LENG8: variants seen among roughly 807,000 people sequenced by gnomAD.
The protein encoded by LENG8 is leukocyte receptor cluster (LRC) member 8.
A neutral mutation model predicts 102.1 loss-of-function variants in LENG8; 28 were observed. That is an observed-to-expected ratio of 0.27 (90% CI 0.20 to 0.38). The LOEUF (loss-of-function observed/expected upper bound fraction) is 0.38, where lower values mean the gene tolerates loss of function less well. Ranked by LOEUF, LENG8 falls within the 10% of genes least tolerant of loss-of-function variation. The pLI is 1.00. For synonymous variants in LENG8, 531 were observed against 456.7 expected (o/e 1.16, Z -2.07); for missense variants, 1,022 against 1,113.9 (o/e 0.92, Z 1.17).
chr19:54,450,331 G>A (rs992886977), intron 1 of LENG8, among the ~76,000 whole-genome samples: 3 of 152,114 alleles, frequency 2.0e-5, no homozygotes, highest in Admixed American at 1.3e-4. Flanking sequence ...GTCTGTCAGT[G>A]CTAAGAACCC....
At position 54,456,200 on chromosome 19, in the gene LENG8, G is replaced by C; in HGVS notation, c.1259G>C (p.Arg420Pro). The C allele has an allele frequency of 6.2e-7, 1 of 1,611,492 alleles. No homozygotes were observed. The highest frequency in any genetic ancestry group is 8.5e-7 in the Non-Finnish European group (1 of 1,178,484). Residue 420 changes from arginine to proline, a missense_variant, in exon 9 of 16, where the codon CGC (arginine) becomes CCC (proline). Arg to Pro is a moderately radical substitution (Grantham distance 103). This residue lies in a region of LENG8 where 326 missense variants were observed against 324.5 expected (regional missense o/e 1.00). Coordinates refer to ENST00000326764, the MANE Select transcript of LENG8 (RefSeq NM_052925.4). ...AGCTCTTCTTCCAGCACAGACTCCC[G>C]CTCCCGCTCCTCCTCCAGGTCCCCG... ...DNSSSSSTDS[R>P]SRSSSRSPTR...
At chr19:54,449,833 G>A (rs1012966647) in intron 1 of LENG8, 6 of 152,538 alleles carry the variant, frequency 3.9e-5, no homozygotes, top group African/African-American at 1.4e-4. Flanking sequence ...CCCAACTCCT[G>A]ACCTTACCTC....
rs989183948 is a variant in LENG8, at chr19:54,461,713, A to G, written c.*785A>G. 5 of 492,716 alleles carry G rather than the reference A, an allele frequency of 1.0e-5. No individual in the cohort carries two copies. Among genetic ancestry groups the G allele is most frequent in the Non-Finnish European group, 2.1e-5 (5 of 243,600 alleles). The allele number at this position is 492,716 out of a possible 1,614,324, so 30.5% of individuals were successfully genotyped here. Reference sequence around the variant, plus strand: ...TTCCCCTCCCTCCCTGCCTTCATGGATCACCAGCTCACGTCATGTTGCCTT... The same window carrying G: ...TTCCCCTCCCTCCCTGCCTTCATGGGTCACCAGCTCACGTCATGTTGCCTT... On this transcript the variant is annotated 3_prime_UTR_variant, in exon 16 of 16. Transcript: ENST00000326764.
At chr19:54,460,593 C>G (rs867959708) in intron 15 of LENG8, 173 bp from the exon 16 acceptor site, 1 of 1,413,534 alleles carries the variant, frequency 7.1e-7, no homozygotes, top group Non-Finnish European at 9.2e-7. Context: ...TAACCCCCCC[C>G]GGGCCCCCCC....
Position 54,461,369 on chromosome 19 carries a change from A to G in LENG8, c.*441A>G, listed in dbSNP as rs2123235176. ...GCGGGGGCACCCAGCAAGCCCGCCC[A>G]CCGCCCGCTGCCTCACCTGCTTCGC... On this transcript the variant is annotated 3_prime_UTR_variant, in exon 16 of 16. Transcript: ENST00000326764. 2.2e-6 allele frequency: 1 copy of G among 457,726 alleles called. No individual in the cohort carries two copies. The highest frequency in any genetic ancestry group is 4.4e-6 in the Non-Finnish European group (1 of 228,162). The allele number at this position is 457,726 out of a possible 1,614,324, so 28.4% of individuals were successfully genotyped here. A position where few individuals can be genotyped will look rare whatever the true frequency, so the allele number is the denominator to read the frequency against.
In LENG8 at chr19:54,461,998, T is replaced by TAAAGAGAG; in HGVS notation, c.*1080_*1087dup. Reference sequence around the variant, plus strand: ...TTGGAAGCTTGAGAGAAACCAAAATTAAAGAGAGAAAGAGAGAGCGTGCAC... The same window carrying TAAAGAGAG: ...TTGGAAGCTTGAGAGAAACCAAAATTAAAGAGAGAAAGAGAGAAAGAGAGAGCGTGCAC... On this transcript the variant is annotated 3_prime_UTR_variant, in exon 16 of 16. Coordinates refer to ENST00000326764, the MANE Select transcript of LENG8 (RefSeq NM_052925.4). 1 of 1,422,430 alleles carries TAAAGAGAG rather than the reference T, an allele frequency of 7.0e-7. No homozygotes were observed. The highest frequency in any genetic ancestry group is 9.7e-7 in the Non-Finnish European group (1 of 1,036,230). The allele number at this position is 1,422,430 out of a possible 1,614,324, so 88.1% of individuals were successfully genotyped here.
intron 10 of LENG8, 22 bp downstream of exon 10, chr19:54,456,487 A>G: frequency 6.3e-7 from 1 of 1,590,586 alleles, no homozygotes; most frequent in Non-Finnish European, 8.5e-7. Context: ...TGAGGGCTCG[A>G]CACACGGGCC....
intron 4 of LENG8, among the ~76,000 whole-genome samples, 200 bp downstream of exon 4, chr19:54,452,952 G>A (rs1443026997): frequency 6.6e-6 from 1 of 152,172 alleles, no homozygotes; most frequent in Non-Finnish European, 1.5e-5. Flanking sequence ...TACATACCCG[G>A]TTCTGGTCCC....
intron 7 of LENG8, 110 bp downstream of exon 7, chr19:54,455,202 A>G: frequency 6.6e-7 from 1 of 1,525,482 alleles, no homozygotes; most frequent in Non-Finnish European, 9.0e-7. Flanking sequence ...CGCCTCTGAA[A>G]AGGGCAGAAG....
intron 5 of LENG8, among the ~76,000 whole-genome samples, chr19:54,454,040 TC>T (rs1459966163): frequency 6.6e-6 from 1 of 152,072 alleles, no homozygotes. Context: ...CGGTCAGCTC[TC>T]GAAAGCGGGA....
chr19:54,450,199 C>T (rs554452674), intron 1 of LENG8, among the ~76,000 whole-genome samples: 1 of 152,248 alleles, frequency 6.6e-6, no homozygotes, highest in South Asian at 2.1e-4. Flanking sequence ...CACGGTGATC[C>T]CTTTTCTCTC....
At position 54,461,106 on chromosome 19, in the gene LENG8, GTTT is replaced by G; in HGVS notation, c.*181_*183del. 1 of 1,002,410 alleles carries G rather than the reference GTTT, an allele frequency of 1.0e-6. No homozygotes were observed. The highest frequency in any genetic ancestry group is 1.5e-6 in the Non-Finnish European group (1 of 670,638). The allele number at this position is 1,002,410 out of a possible 1,614,324, so 62.1% of individuals were successfully genotyped here. On this transcript the variant is annotated 3_prime_UTR_variant, in exon 16 of 16. Coordinates refer to ENST00000326764, the MANE Select transcript of LENG8 (RefSeq NM_052925.4). ...GGAGTCTGTACAGAGATTTTTCTAC[GTTT>G]TTATTTTTTGCCTCAGAGGGATGGG... is the stretch of plus-strand genomic sequence containing the variant.
chr19:54,455,027 C>T lies in LENG8; in HGVS notation c.756C>T (p.Ser252=). 6.2e-7 allele frequency: 1 copy of T among 1,614,190 alleles called. No homozygotes were observed. The highest frequency in any genetic ancestry group is 8.5e-7 in the Non-Finnish European group (1 of 1,180,038). Residue 252 remains serine (S), a synonymous_variant, in exon 7 of 16, where the codon TCC becomes TCT. Coordinates refer to ENST00000326764, the MANE Select transcript of LENG8 (RefSeq NM_052925.4). Reference sequence around the variant, plus strand: ...CTGTTACCACCCAGAGCTTTGGCTCCAACGCAGAGGGCCAGCACAGTGGTT... The same window carrying T: ...CTGTTACCACCCAGAGCTTTGGCTCTAACGCAGAGGGCCAGCACAGTGGTT... ...PFAVTTQSFG[S]NAEGQHSGFG...
intron 12 of LENG8, 38 bp from the exon 13 acceptor site, chr19:54,457,896 C>T (rs45605939): frequency 0.18 from 287,448 of 1,613,642 alleles, 27,679 homozygotes; most frequent in Middle Eastern, 0.25. Flanking sequence ...TCCTGCCTCC[C>T]GCTCCTTGTG....
At position 54,461,815 on chromosome 19, in the gene LENG8, C is replaced by T; in HGVS notation, c.*887C>T. On this transcript the variant is annotated 3_prime_UTR_variant, in exon 16 of 16. Coordinates refer to ENST00000326764, the MANE Select transcript of LENG8 (RefSeq NM_052925.4). The stretch of plus-strand genomic sequence containing the variant: ...CTTTTCTTTTTGGCCCTCCCTCCCT[C>T]CCTCTTCTGCCATGTAACTGGAGGA... 1.9e-6 allele frequency: 1 copy of T among 536,594 alleles called. No homozygotes were observed. The highest frequency in any genetic ancestry group is 3.7e-6 in the Non-Finnish European group (1 of 269,852). 33.2% of individuals were successfully genotyped at this position (536,594 alleles called of 1,614,324 possible). A position where few individuals can be genotyped will look rare whatever the true frequency, so the allele number is the denominator to read the frequency against.
intron 11 of LENG8, 116 bp downstream of exon 11, chr19:54,457,037 C>G: frequency 8.3e-7 from 1 of 1,200,088 alleles, no homozygotes; most frequent in South Asian, 1.6e-5. Flanking sequence ...GCAGGGGAAG[C>G]TCGGCCAGAG....
intron 5 of LENG8, 64 bp downstream of exon 5, chr19:54,453,720 C>T (rs2084076872): frequency 1.7e-6 from 2 of 1,189,366 alleles, no homozygotes; most frequent in South Asian, 2.6e-5. Flanking sequence ...TTTGAATGAG[C>T]TGTCAATGAG....
rs745688686 is a variant in LENG8 at position 54,456,811 on chromosome 19, G to A, written c.1621G>A (p.Ala541Thr). 1.2e-6 allele frequency: 2 copies of A among 1,611,280 alleles called. No individual in the cohort carries two copies. The highest frequency in any genetic ancestry group is 2.2e-5 in the South Asian group (2 of 90,892). The change falls in exon 11 of 16, where the codon GCT becomes ACT. Residue 541 changes from alanine (A) to threonine (T), a missense_variant. This residue lies in a region of LENG8 where 326 missense variants were observed against 324.5 expected (regional missense o/e 1.00). Transcript: ENST00000326764. ...GATGAGCAGCCTGGAGAGCAGTGGG[G>A]CTGACCCTGACTGGCAGGAGCTGCA... Reference protein sequence around the residue: ...LQMSSLESSGADPDWQELQIV... With the variant: ...LQMSSLESSGTDPDWQELQIV...
intron 15 of LENG8, 51 bp from the exon 16 acceptor site, chr19:54,460,715 C>G: frequency 7.2e-7 from 1 of 1,393,468 alleles, no homozygotes; most frequent in Non-Finnish European, 9.4e-7. Context: ...TGGGGCCCTC[C>G]CCTGCCCTCC....
Sources: gnomAD v4.1 joint callset for allele counts (sites outside exome capture counted in the v4.1 genomes callset) on GRCh38, gnomAD v4.1.1 for gene constraint, gnomAD v4.1.1 regional missense constraint, MANE v1.5 for transcripts, NCBI Gene and HGNC (gene_info 2026-07-23, HGNC 2026-07-21) for gene names.